MORN1: variants seen among roughly 807,000 people sequenced by gnomAD.
MORN1 encodes MORN repeat containing 1.
MORN1 carries 67 observed loss-of-function variants against 61.9 expected under a neutral mutation model. The ratio of observed to expected loss-of-function variants is 1.08; its 90% CI spans 0.89 to 1.33. MORN1 has a LOEUF of 1.33. Among genes scored for constraint, MORN1 ranks in the 40% most tolerant of loss-of-function variants. The pLI, the probability that MORN1 is intolerant of heterozygous loss-of-function variation, is 0.00. For missense variants in MORN1, 752 were observed against 691.2 expected (o/e 1.09, Z -0.99); for synonymous variants, 301 against 292.0 (o/e 1.03, Z -0.31).
At chr1:2,356,257 GAGCTC>G (rs1641766716) in intron 10 of MORN1, among the ~76,000 whole-genome samples, 1 of 152,180 alleles carries the variant, frequency 6.6e-6, no homozygotes, top group Non-Finnish European at 1.5e-5. Context: ...GGCAGGGATT[GAGCTC>G]GCATCGGCCA....
intron 8 of MORN1, among the ~76,000 whole-genome samples, chr1:2,360,913 G>A (rs2643891): frequency 0.3 from 45,568 of 152,034 alleles, 8,624 homozygotes; most frequent in African/African-American, 0.51. Context: ...TGAGGCAGAC[G>A]GGTCTCCAGC....
rs567940173 is a variant in MORN1, at chr1:2,334,753, G to A, written c.1250+1716C>T. 1.4e-4 allele frequency among the ~76,000 whole-genome samples: 21 copies of A among 152,240 alleles called. No homozygotes were observed. The highest frequency in any genetic ancestry group is 2.2e-4 in the Non-Finnish European group (15 of 68,046). ...ACGACACTTAACTCGAGGACAGTGC[G>A]AGCCCTTTGGCTGGGAGGCCCAGGC... On this transcript the variant is annotated intron_variant, in intron 12 of 13. Coordinates refer to ENST00000378531, the MANE Select transcript of MORN1 (RefSeq NM_024848.3). This position sits in a 1 kb window ranked among gnomAD's most constrained non-coding sequence, Gnocchi z 5.4.
chr1:2,342,467 G>A (rs1217087724), intron 10 of MORN1, among the ~76,000 whole-genome samples: 8 of 152,354 alleles, frequency 5.3e-5, no homozygotes, highest in East Asian at 1.9e-4. Flanking sequence ...GTTTGGAGGT[G>A]ACCAGACACA....
intron 6 of MORN1, among the ~76,000 whole-genome samples, chr1:2,380,069 AAGG>A (rs1471777141): frequency 6.6e-6 from 1 of 152,098 alleles, no homozygotes; most frequent in Non-Finnish European, 1.5e-5. Context: ...CTTAGCAAGG[AAGG>A]AGGAGCTGGC....
intron 10 of MORN1, among the ~76,000 whole-genome samples, chr1:2,343,239 G>A (rs979086614): frequency 4.6e-5 from 7 of 152,158 alleles, no homozygotes; most frequent in Admixed American, 1.3e-4. Context: ...TGGGACCTGC[G>A]GGCACCTCTG....
At chr1:2,369,276 C>G (rs1000026745) in intron 8 of MORN1, among the ~76,000 whole-genome samples, 1 of 151,080 alleles carries the variant, frequency 6.6e-6, no homozygotes, top group Non-Finnish European at 1.5e-5. Context: ...ATGGTGTGAA[C>G]CCAGGAGGTG....
intron 6 of MORN1, among the ~76,000 whole-genome samples, chr1:2,380,903 C>T (rs1642356963): frequency 6.6e-6 from 1 of 152,312 alleles, no homozygotes; most frequent in African/African-American, 2.4e-5. Flanking sequence ...AATGACACCA[C>T]AAGCAACGGC....
chr1:2,333,823 G>A (rs1409179590), intron 12 of MORN1, among the ~76,000 whole-genome samples: 1 of 152,256 alleles, frequency 6.6e-6, no homozygotes, highest in Non-Finnish European at 1.5e-5. Flanking sequence ...ACGACACAGC[G>A]AGGGTTCCTT....
chr1:2,372,518 G>A lies in MORN1; in HGVS notation c.708C>T (p.Asn236=), dbSNP rs753484372. The part of the protein sequence containing the change: ...EVAQGSPFSV[N]VQLLQDHGEI... ...CCCCGTGGTCCTGCAGCAGCTGAAC[G>A]TTCACCGAGAAGGGAGACCCTTGGG... is the stretch of plus-strand genomic sequence containing the variant. The change falls in exon 8 of 14, where the codon AAC becomes AAT. Residue 236 remains asparagine (N), a synonymous_variant. Coordinates refer to ENST00000378531, the MANE Select transcript of MORN1 (RefSeq NM_024848.3). This position sits in a 1 kb window ranked among gnomAD's most constrained non-coding sequence, Gnocchi z 5.4. The A allele has an allele frequency of 2.2e-5, 36 of 1,613,774 alleles. No homozygotes were observed. The highest frequency in any genetic ancestry group is 2.8e-5 in the Non-Finnish European group (33 of 1,179,964).
chr1:2,380,332 G>A (rs1174048651), intron 6 of MORN1, among the ~76,000 whole-genome samples: 1 of 152,152 alleles, frequency 6.6e-6, no homozygotes, highest in Non-Finnish European at 1.5e-5. Context: ...CTCCTGCCAC[G>A]CCACTGCACG....
intron 10 of MORN1, chr1:2,355,424 G>T: frequency 6.4e-7 from 1 of 1,550,404 alleles, no homozygotes; most frequent in Non-Finnish European, 8.7e-7. Context: ...CACAGCTGTT[G>T]TCTGGAAGGA....
At chr1:2,324,041 C>T (rs1640942562) in intron 13 of MORN1, 56 bp downstream of exon 13, 1 of 1,546,494 alleles carries the variant, frequency 6.5e-7, no homozygotes, top group Non-Finnish European at 8.7e-7. Flanking sequence ...GGGCTGCGGC[C>T]TCGCCTCTCC....
chr1:2,385,794 G>A lies in MORN1; in HGVS notation c.449+13C>T. 3 of 1,611,320 alleles carry A rather than the reference G, an allele frequency of 1.9e-6. No individual in the cohort carries two copies. Among genetic ancestry groups the A allele is most frequent in the South Asian group, 2.2e-5 (2 of 91,024 alleles). The stretch of plus-strand genomic sequence containing the variant: ...GTCATGCGCCAGGCAGTACCCACAA[G>A]ACTCATACTCACTGAAAGAGCATCT... On this transcript the variant is annotated intron_variant, in intron 5 of 13. Transcript: ENST00000378531.
chr1:2,365,077 GT>G (rs1641970765), intron 8 of MORN1, among the ~76,000 whole-genome samples: 1 of 152,008 alleles, frequency 6.6e-6, no homozygotes, highest in Admixed American at 6.6e-5. Context: ...CTTTAAAGTA[GT>G]TTTTTCCAAT....
intron 4 of MORN1, chr1:2,386,150 A>G (rs1444385443): frequency 2.0e-6 from 1 of 510,874 alleles, no homozygotes; most frequent in African/African-American, 1.9e-5. Flanking sequence ...CAGGGCAGCA[A>G]AAATGGCCCT....
intron 8 of MORN1, among the ~76,000 whole-genome samples, chr1:2,359,651 G>C (rs1434180087): frequency 6.6e-6 from 1 of 152,218 alleles, no homozygotes; most frequent in Non-Finnish European, 1.5e-5. Flanking sequence ...GGGAGGCCGA[G>C]GCGGGTGGAT....
chr1:2,348,039 C>T (rs1641553235), intron 10 of MORN1, among the ~76,000 whole-genome samples: 1 of 152,222 alleles, frequency 6.6e-6, no homozygotes, highest in African/African-American at 2.4e-5. Flanking sequence ...CTGGGCTTCC[C>T]CGTGGCCCAG....
At chr1:2,358,999 G>T (rs1317998054) in intron 8 of MORN1, among the ~76,000 whole-genome samples, 1 of 152,148 alleles carries the variant, frequency 6.6e-6, no homozygotes, top group African/African-American at 2.4e-5. Flanking sequence ...CCTGGATCCT[G>T]AATCTCCAGC....
Position 2,389,954 on chromosome 1 carries a change from T to C in MORN1, c.119A>G (p.Glu40Gly). ...YVYPNSFFRY[E>G]GEWKAGRKHG... The stretch of plus-strand genomic sequence containing the variant: ...CTTCCTCCCTGCTTTCCATTCTCCT[T>C]CATATCGAAAGAAGGAATTTGGGTA... Residue 40 changes from glutamate to glycine, a missense_variant, in exon 2 of 14, where the codon GAA becomes GGA. Physicochemically the swap from Glu to Gly is moderately conservative, Grantham distance 98 (BLOSUM62 -2). Coordinates refer to ENST00000378531, the MANE Select transcript of MORN1 (RefSeq NM_024848.3). The C allele has an allele frequency of 6.2e-7, 1 of 1,614,098 alleles. No homozygotes were observed. The highest frequency in any genetic ancestry group is 1.1e-5 in the South Asian group (1 of 91,088).
Sources: allele counts gnomAD v4.1 joint callset (sites outside exome capture counted in the v4.1 genomes callset), GRCh38; gene constraint gnomAD v4.1.1; non-coding constraint Gnocchi (gnomAD v3.1); transcripts MANE v1.5; gene names NCBI Gene and HGNC (gene_info 2026-07-23, HGNC 2026-07-21).